Variants in PLGRKT observed in about 807,000 individuals in gnomAD.
PLGRKT encodes the protein plasminogen receptor (KT).
In PLGRKT, 22 loss-of-function variants were observed where a neutral mutation model predicts 18.5. The ratio of observed to expected loss-of-function variants is 1.19; its 90% CI spans 0.85 to 1.70. The LOEUF (loss-of-function observed/expected upper bound fraction) is 1.70, where lower values mean the gene tolerates loss of function less well. Ranked by LOEUF, PLGRKT falls within the 40% of genes most tolerant of loss-of-function variation. PLGRKT has a pLI of 0.00. For synonymous variants in PLGRKT, 72 were observed against 52.8 expected (o/e 1.36, Z -1.58); for missense variants, 235 against 174.4 (o/e 1.35, Z -1.96).
chr9:5,404,882 T>C (rs1055414793), intron 3 of PLGRKT, among the ~76,000 whole-genome samples: 5 of 152,138 alleles, frequency 3.3e-5, no homozygotes, highest in Admixed American at 2.6e-4. Flanking sequence ...GAAAACCCCA[T>C]TGACTCAGCC....
At chr9:5,409,736 G>C (rs1016021731) in intron 3 of PLGRKT, among the ~76,000 whole-genome samples, 1 of 152,182 alleles carries the variant, frequency 6.6e-6, no homozygotes, top group Non-Finnish European at 1.5e-5. Context: ...AGTCCAAGAA[G>C]ATCAGTTTGG....
chr9:5,423,717 T>A (rs1250473310), intron 3 of PLGRKT, among the ~76,000 whole-genome samples: 3 of 151,318 alleles, frequency 2.0e-5, no homozygotes, highest in Non-Finnish European at 2.9e-5. Flanking sequence ...TTCTTTTTTT[T>A]TTGAGACAAG....
chr9:5,405,923 A>T (rs925965084), intron 3 of PLGRKT, among the ~76,000 whole-genome samples: 1 of 152,182 alleles, frequency 6.6e-6, no homozygotes, highest in African/African-American at 2.4e-5. Flanking sequence ...AAAAAAACAA[A>T]CAATCCCATC....
intron 3 of PLGRKT, among the ~76,000 whole-genome samples, chr9:5,425,812 C>T (rs992119590): frequency 3.3e-5 from 5 of 151,928 alleles, no homozygotes; most frequent in Non-Finnish European, 5.9e-5. Context: ...AACAATAACA[C>T]AAAATTACTG....
rs1245942067 is a variant in PLGRKT, at chr9:5,418,195, G to C, written c.81+13702C>G. Among the ~76,000 whole-genome samples, 1 of 152,112 alleles carries C rather than the reference G, an allele frequency of 6.6e-6. No individual in the cohort carries two copies. The highest frequency in any genetic ancestry group is 2.4e-5 in the African/African-American group (1 of 41,410). On this transcript the variant is annotated intron_variant, in intron 3 of 5. Transcript: ENST00000223864. The surrounding 1 kb of genome is among the most constrained non-coding windows in gnomAD (Gnocchi z 4.2). ...AGCAAGTTGCCTGGTATCTTGTTGAGACCTCACCTTCTGCCCTTCATGTCT... is the reference window on the plus strand; with the variant it reads ...AGCAAGTTGCCTGGTATCTTGTTGACACCTCACCTTCTGCCCTTCATGTCT...
intron 3 of PLGRKT, among the ~76,000 whole-genome samples, chr9:5,430,403 T>A (rs1818798863): frequency 6.6e-6 from 1 of 152,198 alleles, no homozygotes; most frequent in Admixed American, 6.5e-5. Context: ...GTTACAATAA[T>A]TCAGTTGTCC....
intron 3 of PLGRKT, among the ~76,000 whole-genome samples, chr9:5,385,353 C>A (rs1330838904): frequency 1.3e-5 from 2 of 151,950 alleles, no homozygotes; most frequent in East Asian, 3.9e-4. Flanking sequence ...TTATCCACCA[C>A]ACCTGGCTAA....
At chr9:5,361,005 G>A (rs1339563815) in intron 5 of PLGRKT, 73 bp downstream of exon 5, 5 of 804,904 alleles carry the variant, frequency 6.2e-6, no homozygotes, top group Middle Eastern at 2.3e-4. Flanking sequence ...ATAAGTCAAA[G>A]GTTCCTAAGG....
At chr9:5,394,688 C>G (rs1452975194) in intron 3 of PLGRKT, among the ~76,000 whole-genome samples, 1 of 151,970 alleles carries the variant, frequency 6.6e-6, no homozygotes, top group Non-Finnish European at 1.5e-5. Context: ...GCTGGGATTA[C>G]AGGCGTAAGC....
intron 3 of PLGRKT, among the ~76,000 whole-genome samples, chr9:5,424,834 A>C (rs1383712036): frequency 6.6e-6 from 1 of 150,754 alleles, no homozygotes; most frequent in Non-Finnish European, 1.5e-5. Flanking sequence ...CGCCTGACTC[A>C]TCTTTCGTGT....
At chr9:5,375,137 C>T (rs1563770198) in intron 3 of PLGRKT, among the ~76,000 whole-genome samples, 1 of 152,180 alleles carries the variant, frequency 6.6e-6, no homozygotes, top group Non-Finnish European at 1.5e-5. Flanking sequence ...TACTATAAAA[C>T]TTTTCTGGTC....
chr9:5,413,318 G>A (rs1034173655), intron 3 of PLGRKT, among the ~76,000 whole-genome samples: 4 of 152,142 alleles, frequency 2.6e-5, no homozygotes, highest in African/African-American at 9.7e-5. Flanking sequence ...ACCTGGGGTG[G>A]GCAGAATAAT....
chr9:5,377,855 G>A (rs368236868), intron 3 of PLGRKT, among the ~76,000 whole-genome samples: 1 of 152,208 alleles, frequency 6.6e-6, no homozygotes, highest in Non-Finnish European at 1.5e-5. Context: ...GGGTCTGAAA[G>A]AGAAGAGCTG....
chr9:5,381,298 G>A (rs1817740393), intron 3 of PLGRKT, among the ~76,000 whole-genome samples: 1 of 152,196 alleles, frequency 6.6e-6, no homozygotes, highest in East Asian at 1.9e-4. Flanking sequence ...TGGTTTCACG[G>A]GCCAGGCCCA....
At chr9:5,400,696 A>G (rs1016434535) in intron 3 of PLGRKT, among the ~76,000 whole-genome samples, 2 of 152,032 alleles carry the variant, frequency 1.3e-5, no homozygotes, top group East Asian at 3.8e-4. Context: ...TCATCTTTAT[A>G]TCCTCCTTGA....
Position 5,393,626 on chromosome 9 carries a change from G to A in PLGRKT, c.82-31738C>T, listed in dbSNP as rs1190730832. On this transcript the variant is annotated intron_variant, in intron 3 of 5. Coordinates refer to ENST00000223864, the MANE Select transcript of PLGRKT (RefSeq NM_018465.4). ...TATTTTTTTTCTTAACCATTGGTAA[G>A]AAAATGAGCTGTGCTGCTCATTTTC... Among the ~76,000 whole-genome samples, 2 of 151,678 alleles carry A rather than the reference G, an allele frequency of 1.3e-5. 1 individual carries two copies. Among genetic ancestry groups the A allele is most frequent in the African/African-American group, 4.9e-5 (2 of 41,078 alleles).
At chr9:5,425,860 G>C (rs1037693489) in intron 3 of PLGRKT, among the ~76,000 whole-genome samples, 1 of 152,038 alleles carries the variant, frequency 6.6e-6, no homozygotes, top group South Asian at 2.1e-4. Flanking sequence ...AAAAAATAAA[G>C]AACTAAAAAA....
chr9:5,427,610 C>A (rs112240207), intron 3 of PLGRKT, among the ~76,000 whole-genome samples: 325 of 152,112 alleles, frequency 2.1e-3, no homozygotes, highest in African/African-American at 7.4e-3. Flanking sequence ...CTGGGAAAAC[C>A]ATAGTATACA....
chr9:5,413,949 A>G (rs868311203), intron 3 of PLGRKT, among the ~76,000 whole-genome samples: 2 of 152,222 alleles, frequency 1.3e-5, no homozygotes, highest in African/African-American at 2.4e-5. Flanking sequence ...CAATGTATCA[A>G]TGATATGCTA....
Sources: gnomAD v4.1 joint callset for allele counts (sites outside exome capture counted in the v4.1 genomes callset) on GRCh38, gnomAD v4.1.1 for gene constraint, Gnocchi (gnomAD v3.1) non-coding constraint, MANE v1.5 for transcripts, NCBI Gene and HGNC (gene_info 2026-07-23, HGNC 2026-07-21) for gene names.